Variants in LRRC4C observed in about 807,000 individuals in gnomAD.
LRRC4C encodes leucine-rich repeat-containing protein 4C.
A neutral mutation model predicts 33.6 loss-of-function variants in LRRC4C; 5 were observed. The observed-to-expected ratio is 0.15, with a 90% CI of 0.08 to 0.31. The LOEUF (loss-of-function observed/expected upper bound fraction) is 0.31. Ranked by LOEUF, LRRC4C falls within the 10% of genes least tolerant of loss-of-function variation. The probability of loss-of-function intolerance (pLI) is 1.00; values close to 1 mark genes in which losing one functional copy is unlikely to be tolerated. For synonymous variants in LRRC4C, 329 were observed against 302.0 expected, an observed-to-expected ratio of 1.09 and a Z score of -0.93; for missense variants, 560 against 796.7, an observed-to-expected ratio of 0.70 and a Z score of 3.58.
At chr11:40,209,818 T>C (rs540214404) in intron 5 of LRRC4C, among the ~76,000 whole-genome samples, 217 of 152,312 alleles carry the variant, frequency 1.4e-3, no homozygotes, top group Non-Finnish European at 2.1e-3. Flanking sequence ...AATGTAAGCA[T>C]AAATCATAAC....
chr11:41,142,909 C>T (rs1487701259), intron 1 of LRRC4C, among the ~76,000 whole-genome samples: 2 of 152,094 alleles, frequency 1.3e-5, no homozygotes, highest in African/African-American at 2.4e-5. Context: ...AAACAGTGTT[C>T]GTGTCATTCT....
At chr11:41,253,055 C>T (rs1488352499) in intron 1 of LRRC4C, among the ~76,000 whole-genome samples, 1 of 152,102 alleles carries the variant, frequency 6.6e-6, no homozygotes, top group Non-Finnish European at 1.5e-5. Context: ...GAGTAAGAGT[C>T]AAGACGATCA....
At chr11:40,157,267 G>T (rs1287608836) in intron 5 of LRRC4C, among the ~76,000 whole-genome samples, 2 of 152,150 alleles carry the variant, frequency 1.3e-5, no homozygotes, top group African/African-American at 4.8e-5. Flanking sequence ...ACACAAGTTG[G>T]ATTAAAGACT....
chr11:40,723,714 G>A (rs1029488017), intron 2 of LRRC4C, among the ~76,000 whole-genome samples: 1 of 152,030 alleles, frequency 6.6e-6, no homozygotes, highest in African/African-American at 2.4e-5. Context: ...AGACTACAAA[G>A]CAACCAGCTA....
intron 3 of LRRC4C, among the ~76,000 whole-genome samples, chr11:40,353,148 C>A (rs1298086209): frequency 6.6e-6 from 1 of 152,040 alleles, no homozygotes; most frequent in Non-Finnish European, 1.5e-5. Context: ...TGTTATTATT[C>A]CTTCAAATAA....
At chr11:41,223,459 A>T (rs1404573923) in intron 1 of LRRC4C, among the ~76,000 whole-genome samples, 1 of 152,200 alleles carries the variant, frequency 6.6e-6, no homozygotes, top group Non-Finnish European at 1.5e-5. Flanking sequence ...TTATTCATTC[A>T]TTCATCCATC....
chr11:40,917,175 G>A (rs1415547486), intron 2 of LRRC4C, among the ~76,000 whole-genome samples: 1 of 152,034 alleles, frequency 6.6e-6, no homozygotes, highest in Non-Finnish European at 1.5e-5. Context: ...ATTTTCATTT[G>A]TAAGTTCCAA....
At chr11:41,245,406 C>T (rs187477276) in intron 1 of LRRC4C, among the ~76,000 whole-genome samples, 11 of 152,320 alleles carry the variant, frequency 7.2e-5, no homozygotes, top group Admixed American at 4.6e-4. Context: ...CCACTGTGAA[C>T]AGCCAGGCAT....
chr11:40,673,900 G>T (rs563196862), intron 2 of LRRC4C, among the ~76,000 whole-genome samples: 2 of 152,252 alleles, frequency 1.3e-5, no homozygotes, highest in African/African-American at 2.4e-5. Context: ...ACCAGTGTTG[G>T]TTCTGCAGGC....
intron 1 of LRRC4C, among the ~76,000 whole-genome samples, chr11:41,414,826 A>AAAAAAG (rs906431074): frequency 1.6e-4 from 25 of 152,138 alleles, no homozygotes; most frequent in South Asian, 2.1e-4. Context: ...TGGTACTCTA[A>AAAAAAG]AAAAAGAAAA....
At chr11:40,939,251 C>A (rs372950903) in intron 1 of LRRC4C, among the ~76,000 whole-genome samples, 1 of 152,048 alleles carries the variant, frequency 6.6e-6, no homozygotes, top group Non-Finnish European at 1.5e-5. Flanking sequence ...AAAGGTGGCA[C>A]AATGACACTT....
intron 2 of LRRC4C, among the ~76,000 whole-genome samples, chr11:40,792,002 A>AT (rs1451870537): frequency 6.6e-6 from 1 of 152,054 alleles, no homozygotes. Flanking sequence ...AAAAAAAAAA[A>AT]GTATATATTA....
intron 1 of LRRC4C, among the ~76,000 whole-genome samples, chr11:41,281,903 A>G (rs973070103): frequency 2.0e-5 from 3 of 152,356 alleles, no homozygotes; most frequent in Non-Finnish European, 4.4e-5. Context: ...TAATAGAAAT[A>G]GTCCTATGGT....
chr11:40,414,911 C>T (rs766215123), intron 3 of LRRC4C, among the ~76,000 whole-genome samples: 9 of 152,008 alleles, frequency 5.9e-5, no homozygotes, highest in African/African-American at 9.7e-5. Context: ...CAAAACCCCA[C>T]GAGGAGCGGA....
intron 1 of LRRC4C, among the ~76,000 whole-genome samples, chr11:41,323,701 A>T (rs1467969484): frequency 6.6e-6 from 1 of 152,180 alleles, no homozygotes; most frequent in African/African-American, 2.4e-5. Flanking sequence ...GGCAGGACTG[A>T]AGCCCGTCTT....
chr11:41,143,301 A>C (rs1327864495), intron 1 of LRRC4C, among the ~76,000 whole-genome samples: 1 of 96,732 alleles, frequency 1.0e-5, no homozygotes, highest in African/African-American at 3.4e-5. Flanking sequence ...TAAATTTTCC[A>C]GAACTAAGAA....
At chr11:40,220,353 TATA>T (rs1268137768) in intron 5 of LRRC4C, among the ~76,000 whole-genome samples, 1 of 152,218 alleles carries the variant, frequency 6.6e-6, no homozygotes, top group African/African-American at 2.4e-5. Context: ...ATATATATGT[TATA>T]ATAAATACAG....
chr11:40,230,798 G>C (rs1865144748), intron 5 of LRRC4C, among the ~76,000 whole-genome samples: 1 of 152,144 alleles, frequency 6.6e-6, no homozygotes, highest in Non-Finnish European at 1.5e-5. Context: ...TAGATGCTTA[G>C]AAAGAAATGC....
intron 1 of LRRC4C, among the ~76,000 whole-genome samples, chr11:41,132,128 A>G (rs1028649582): frequency 6.6e-6 from 1 of 152,116 alleles, no homozygotes. Context: ...AGGTCCAAAA[A>G]CCCTCTTGGA....
Sources: allele counts gnomAD v4.1 joint callset (sites outside exome capture counted in the v4.1 genomes callset), GRCh38; gene constraint gnomAD v4.1.1; transcripts MANE v1.5; gene names NCBI Gene and HGNC (gene_info 2026-07-23, HGNC 2026-07-21).